Variants in PPARG observed in about 807,000 individuals in gnomAD.
PPARG encodes peroxisome proliferator-activated receptor gamma.
PPARG carries 17 observed loss-of-function variants against 39.2 expected under a neutral mutation model. The observed-to-expected ratio is 0.43, with a 90% CI of 0.30 to 0.65. The LOEUF (loss-of-function observed/expected upper bound fraction) is 0.65. Ranked by LOEUF, PPARG falls within the 30% of genes least tolerant of loss-of-function variation. PPARG has a pLI of 0.13. For missense variants in PPARG, 406 were observed against 585.9 expected, an observed-to-expected ratio of 0.69 and a Z score of 3.17; for synonymous variants, 223 against 215.7, an observed-to-expected ratio of 1.03 and a Z score of -0.30.
At chr3:12,296,635 G>GA (rs1266541519) in intron 1 of PPARG, among the ~76,000 whole-genome samples, 2 of 152,260 alleles carry the variant, frequency 1.3e-5, no homozygotes, top group East Asian at 3.9e-4. Context: ...TTATTACTTA[G>GA]AAAAGCTCAG....
At chr3:12,332,528 T>C (rs1481389668) in intron 2 of PPARG, among the ~76,000 whole-genome samples, 2 of 152,226 alleles carry the variant, frequency 1.3e-5, no homozygotes. Flanking sequence ...TTTTTAATAG[T>C]TAATCACAGT....
At chr3:12,413,240 T>G (rs373284036) in intron 6 of PPARG, among the ~76,000 whole-genome samples, 6 of 151,910 alleles carry the variant, frequency 3.9e-5, no homozygotes, top group African/African-American at 1.5e-4. Flanking sequence ...GGTAAGGAGG[T>G]CCCCTGTGAA....
chr3:12,429,967 A>C (rs2051599665), intron 7 of PPARG, among the ~76,000 whole-genome samples: 1 of 152,146 alleles, frequency 6.6e-6, no homozygotes, highest in African/African-American at 2.4e-5. Flanking sequence ...AATTATACTT[A>C]CTCTGGTCAA....
At chr3:12,413,834 AAAATG>A (rs1232409092) in intron 6 of PPARG, among the ~76,000 whole-genome samples, 5 of 151,702 alleles carry the variant, frequency 3.3e-5, no homozygotes, top group Non-Finnish European at 5.9e-5. Context: ...AAAAAAAAAA[AAAATG>A]AAATGGTTTG....
intron 7 of PPARG, among the ~76,000 whole-genome samples, chr3:12,429,967 AC>A (rs1251930484): frequency 6.6e-6 from 1 of 152,146 alleles, no homozygotes; most frequent in Admixed American, 6.5e-5. Flanking sequence ...AATTATACTT[AC>A]TCTGGTCAAT....
At position 12,418,419 on chromosome 3, in the gene PPARG, A is replaced by G. The variant is rs926128053; in HGVS notation, c.1180+1265A>G. On this transcript the variant is annotated intron_variant, in intron 7 of 7. Transcript: ENST00000651735. ...TACTCTACAGTGTATCCTCTGTGAAAAACCCGTCGGGGGATAGTGGTAAAC... is the reference window on the plus strand; with the variant it reads ...TACTCTACAGTGTATCCTCTGTGAAGAACCCGTCGGGGGATAGTGGTAAAC... 3.2e-4 allele frequency among the ~76,000 whole-genome samples: 49 copies of G among 152,206 alleles called. 1 individual carries two copies. Among genetic ancestry groups the G allele is most frequent in the Non-Finnish European group, 2.9e-5 (2 of 68,042 alleles).
At chr3:12,371,735 T>TC (rs568538438) in intron 2 of PPARG, 40 of 493,562 alleles carry the variant, frequency 8.1e-5, no homozygotes, top group South Asian at 6.5e-4. Context: ...CAAGCTGGGC[T>TC]CCCGTCCAGT....
At chr3:12,295,287 G>A (rs972035129) in intron 1 of PPARG, among the ~76,000 whole-genome samples, 1 of 152,082 alleles carries the variant, frequency 6.6e-6, no homozygotes, top group African/African-American at 2.4e-5. Context: ...TTATAAAGGA[G>A]AACAAACATA....
intron 2 of PPARG, among the ~76,000 whole-genome samples, chr3:12,331,017 T>C (rs1046897269): frequency 3.3e-5 from 5 of 152,220 alleles, no homozygotes; most frequent in Non-Finnish European, 5.9e-5. Flanking sequence ...ACTGTTTTCT[T>C]ACATTAGTAA....
chr3:12,431,524 AAC>A (rs1356128461), intron 7 of PPARG, among the ~76,000 whole-genome samples: 1 of 152,232 alleles, frequency 6.6e-6, no homozygotes, highest in Non-Finnish European at 1.5e-5. Flanking sequence ...TTAAAAACAA[AAC>A]ACACAATTTT....
intron 1 of PPARG, among the ~76,000 whole-genome samples, chr3:12,299,156 T>C (rs953920005): frequency 1.3e-5 from 2 of 152,248 alleles, no homozygotes; most frequent in South Asian, 4.2e-4. Flanking sequence ...TAAATGAAGA[T>C]TTATTCAACA....
Position 12,379,855 on chromosome 3 carries a change from C to T in PPARG, c.144C>T (p.Tyr48=), listed in dbSNP as rs769226133. ...VDFSSISTPH[Y]EDIPFTRTDP... ...TCTCCAGCATTTCTACTCCACATTA[C>T]GAAGACATTCCATTCACAAGAACAG... The change falls in exon 3 of 8, where the codon TAC becomes TAT. Residue 48 remains tyrosine (Y), a synonymous_variant. Coordinates refer to ENST00000651735, the MANE Select transcript of PPARG (RefSeq NM_138711.6). 4 of 1,613,876 alleles carry T rather than the reference C, an allele frequency of 2.5e-6. No homozygotes were observed. The highest frequency in any genetic ancestry group is 1.3e-5 in the African/African-American group (1 of 75,032).
At chr3:12,368,494 C>T (rs1281116774) in intron 2 of PPARG, among the ~76,000 whole-genome samples, 1 of 152,068 alleles carries the variant, frequency 6.6e-6, no homozygotes, top group Admixed American at 6.6e-5. Flanking sequence ...TAATCATTTT[C>T]TTAATTCATG....
chr3:12,303,729 T>C (rs777823581), intron 1 of PPARG, among the ~76,000 whole-genome samples: 2 of 152,234 alleles, frequency 1.3e-5, no homozygotes, highest in Non-Finnish European at 2.9e-5. Flanking sequence ...AAAGGATGAT[T>C]TGTGAGAAAG....
chr3:12,323,066 A>G (rs549254826), intron 2 of PPARG, among the ~76,000 whole-genome samples: 1 of 152,156 alleles, frequency 6.6e-6, no homozygotes, highest in Non-Finnish European at 1.5e-5. Flanking sequence ...TCAGCCTCCC[A>G]AAGTGTTGAG....
At chr3:12,349,716 A>C (rs2048426605) in intron 2 of PPARG, among the ~76,000 whole-genome samples, 1 of 152,208 alleles carries the variant, frequency 6.6e-6, no homozygotes, top group African/African-American at 2.4e-5. Flanking sequence ...TTCGCTTTCA[A>C]GTAAAACATA....
chr3:12,365,784 G>T (rs536687326), intron 2 of PPARG, among the ~76,000 whole-genome samples: 73 of 152,062 alleles, frequency 4.8e-4, no homozygotes, highest in African/African-American at 1.5e-3. Flanking sequence ...TGCCAGTACC[G>T]TACTATCTTA....
intron 7 of PPARG, among the ~76,000 whole-genome samples, chr3:12,421,664 G>A (rs1472946853): frequency 6.6e-6 from 1 of 152,222 alleles, no homozygotes; most frequent in South Asian, 2.1e-4. Context: ...ATACGGGGGA[G>A]GAAATTCACT....
chr3:12,310,995 T>G (rs1163774151), intron 1 of PPARG, among the ~76,000 whole-genome samples: 1 of 152,110 alleles, frequency 6.6e-6, no homozygotes, highest in Non-Finnish European at 1.5e-5. Flanking sequence ...CCAGAAAACA[T>G]AAAACATGTG....
Sources: gnomAD v4.1 joint callset for allele counts (sites outside exome capture counted in the v4.1 genomes callset) on GRCh38, gnomAD v4.1.1 for gene constraint, MANE v1.5 for transcripts, NCBI Gene and HGNC (gene_info 2026-07-23, HGNC 2026-07-21) for gene names.